The following MOK variants were observed in gnomAD, a reference collection of about 807,000 sequenced individuals.
MOK encodes MOK protein kinase.
Under a neutral mutation model 54.2 loss-of-function variants are expected in MOK, and 59 were observed. That is an observed-to-expected ratio of 1.09 (90% CI 0.88 to 1.35). The LOEUF is 1.35. Ranked by LOEUF, MOK falls within the 40% of genes most tolerant of loss-of-function variation. MOK has a pLI of 0.00. For synonymous variants in MOK, 210 were observed against 202.7 expected (o/e 1.04, Z -0.31); for missense variants, 517 against 526.2 (o/e 0.98, Z 0.17).
the MOK span, among the ~76,000 whole-genome samples, chr14:102,218,517 C>A: frequency 6.6e-6 from 1 of 152,248 alleles, no homozygotes; most frequent in Admixed American, 6.5e-5. Context: ...AGGAACATGG[C>A]CTTGCTGCTT....
At chr14:102,275,287 G>A (rs771735492) in intron 2 of MOK, among the ~76,000 whole-genome samples, 14 of 152,096 alleles carry the variant, frequency 9.2e-5, no homozygotes, top group South Asian at 2.1e-4. Context: ...TGGATTGGCC[G>A]GGCACGGCGG....
At chr14:102,217,841 G>A in the MOK span, among the ~76,000 whole-genome samples, 19 of 152,214 alleles carry the variant, frequency 1.2e-4, no homozygotes, top group Admixed American at 9.2e-4. Context: ...AGTTCTCATC[G>A]TTTCCGCACC....
chr14:102,294,179 G>A lies in MOK; in HGVS notation c.8-10587C>T, dbSNP rs145339311. On this transcript the variant is annotated intron_variant, in intron 1 of 11. Transcript: ENST00000361847. ...TAGCCAGGTGAGGCCGGGTGCGGTGGCTCATGCCTGTAATCCCAGCACTTT... is the reference window on the plus strand; with the variant it reads ...TAGCCAGGTGAGGCCGGGTGCGGTGACTCATGCCTGTAATCCCAGCACTTT... Among the ~76,000 whole-genome samples the A allele has an allele frequency of 6.9e-4, 104 of 151,418 alleles. 1 individual carries two copies. Among genetic ancestry groups the A allele is most frequent in the Middle Eastern group, 3.4e-3 (1 of 294 alleles).
At chr14:102,281,522 A>G (rs982663572) in intron 2 of MOK, among the ~76,000 whole-genome samples, 1 of 151,364 alleles carries the variant, frequency 6.6e-6, no homozygotes, top group Admixed American at 6.6e-5. Context: ...AAAAAGAAAA[A>G]AAAAAGCATC....
chr14:102,290,618 G>A (rs1489323856), intron 1 of MOK, among the ~76,000 whole-genome samples: 2 of 152,106 alleles, frequency 1.3e-5, no homozygotes, highest in African/African-American at 4.8e-5. Context: ...AAGAAAGGTG[G>A]CCTACTGCAC....
At chr14:102,257,733 C>T (rs954563746) in intron 4 of MOK, among the ~76,000 whole-genome samples, 2 of 152,154 alleles carry the variant, frequency 1.3e-5, no homozygotes, top group African/African-American at 4.8e-5. Flanking sequence ...AATCCCAGCA[C>T]TTTGGGAGGC....
At chr14:102,264,976 G>C (rs969524470) in intron 3 of MOK, among the ~76,000 whole-genome samples, 2 of 152,228 alleles carry the variant, frequency 1.3e-5, no homozygotes, top group Non-Finnish European at 2.9e-5. Flanking sequence ...GCACAGAGCT[G>C]TCAGGAAGAA....
chr14:102,219,732 A>G (rs984667533), downstream of MOK, among the ~76,000 whole-genome samples: 1 of 152,240 alleles, frequency 6.6e-6, no homozygotes, highest in Non-Finnish European at 1.5e-5. Context: ...TCATGGGCAC[A>G]TTCTCTGCAT....
intron 4 of MOK, among the ~76,000 whole-genome samples, chr14:102,253,589 T>G (rs2066701278): frequency 6.6e-6 from 1 of 152,252 alleles, no homozygotes; most frequent in Non-Finnish European, 1.5e-5. Flanking sequence ...AGAGGCCGTT[T>G]AGCGTGGCTG....
chr14:102,292,027 C>A (rs531240191), intron 1 of MOK, among the ~76,000 whole-genome samples: 8 of 152,076 alleles, frequency 5.3e-5, no homozygotes, highest in South Asian at 4.2e-4. Context: ...CACACTGTGC[C>A]ATGCACTGTA....
At position 102,233,474 on chromosome 14, in the gene MOK, G is replaced by A. The variant is rs1156422425; in HGVS notation, c.692+214C>T. ...CAGAAAGCCTGTGACAAATCTTTCTGTGATGCTCAAGGAAGAGCTCACCTT... is the reference window on the plus strand; with the variant it reads ...CAGAAAGCCTGTGACAAATCTTTCTATGATGCTCAAGGAAGAGCTCACCTT... On this transcript the variant is annotated intron_variant, in intron 8 of 11. Coordinates refer to ENST00000361847, the MANE Select transcript of MOK (RefSeq NM_014226.3). 8 of 534,278 alleles carry A rather than the reference G, an allele frequency of 1.5e-5. No individual in the cohort carries two copies. In the East Asian group the frequency reaches 2.6e-4, roughly 17 times the overall value. 33.1% of individuals were successfully genotyped at this position (534,278 alleles called of 1,614,324 possible). A position where few individuals can be genotyped will look rare whatever the true frequency, so the allele number is the denominator to read the frequency against.
At chr14:102,298,669 G>T (rs946556827) in intron 1 of MOK, among the ~76,000 whole-genome samples, 1 of 152,178 alleles carries the variant, frequency 6.6e-6, no homozygotes, top group African/African-American at 2.4e-5. Context: ...GGTGGTGCCA[G>T]ATAAGAGAAT....
chr14:102,233,910 C>T (rs929534819), intron 7 of MOK, 121 bp from the exon 8 acceptor site: 6 of 686,872 alleles, frequency 8.7e-6, no homozygotes, highest in Admixed American at 7.8e-5. Flanking sequence ...ACTTTACCTA[C>T]ACCCTTCTGT....
At chr14:102,222,452 T>G (rs908284298), downstream of MOK, among the ~76,000 whole-genome samples, 3 of 152,190 alleles carry the variant, frequency 2.0e-5, no homozygotes, top group African/African-American at 7.2e-5. This position sits in a 1 kb window ranked among gnomAD's most constrained non-coding sequence, Gnocchi z 4.4. Flanking sequence ...TGCGGTGCCC[T>G]GGGCTCAACC....
chr14:102,217,389 C>T, the MOK span, among the ~76,000 whole-genome samples: 2 of 152,176 alleles, frequency 1.3e-5, no homozygotes, highest in Non-Finnish European at 1.5e-5. Context: ...CGTGGTCTTT[C>T]CCCGGAAGTC....
intron 1 of MOK, among the ~76,000 whole-genome samples, chr14:102,286,291 T>A (rs1262764579): frequency 6.1e-5 from 5 of 81,722 alleles, no homozygotes; most frequent in Non-Finnish European, 1.1e-4. Flanking sequence ...AGAGCGAGAC[T>A]CCGTCTCAAA....
chr14:102,279,939 G>T (rs1257763198), intron 2 of MOK, among the ~76,000 whole-genome samples: 3 of 152,026 alleles, frequency 2.0e-5, no homozygotes, highest in Non-Finnish European at 4.4e-5. Flanking sequence ...GTAGGGGTCA[G>T]AGGCTCCAAA....
rs201440332 is a variant in MOK at position 102,229,075 on chromosome 14, G to A, written c.*214C>T. The A allele has an allele frequency of 1.4e-4, 73 of 511,182 alleles. No individual in the cohort carries two copies. The highest frequency in any genetic ancestry group is 1.3e-3 in the African/African-American group (65 of 51,138). The allele number at this position is 511,182 out of a possible 1,614,324, so 31.7% of individuals were successfully genotyped here. A position where few individuals can be genotyped will look rare whatever the true frequency, so the allele number is the denominator to read the frequency against. On this transcript the variant is annotated 3_prime_UTR_variant, in exon 12 of 12. Coordinates refer to ENST00000361847, the MANE Select transcript of MOK (RefSeq NM_014226.3). ...AAAATGAAAGAAAACCCTAGAATGC[G>A]GTGGTTTTACAAGTATATTAGCCCA...
rs142569955 is a variant in MOK, at chr14:102,290,931, G to A, written c.8-7339C>T. On this transcript the variant is annotated intron_variant, in intron 1 of 11. Transcript: ENST00000361847. ...AGAGAACACCAGTTAACATCCCCCA[G>A]CACCGCTCTAGATCCCCAAACCGAA... 7.9e-5 allele frequency among the ~76,000 whole-genome samples: 12 copies of A among 152,242 alleles called. No individual in the cohort carries two copies. In the East Asian group the frequency reaches 2.3e-3, roughly 29 times the overall value.
Sources: gnomAD v4.1 joint callset for allele counts (sites outside exome capture counted in the v4.1 genomes callset) on GRCh38, gnomAD v4.1.1 for gene constraint, Gnocchi (gnomAD v3.1) non-coding constraint, MANE v1.5 for transcripts, NCBI Gene and HGNC (gene_info 2026-07-23, HGNC 2026-07-21) for gene names.